CAMKMT: variants seen among roughly 807,000 people sequenced by gnomAD.
The protein encoded by CAMKMT is CaM KMT.
Under a neutral mutation model 48.0 loss-of-function variants are expected in CAMKMT, and 53 were observed. That is an observed-to-expected ratio of 1.10 (90% CI 0.89 to 1.39). The LOEUF (loss-of-function observed/expected upper bound fraction) is 1.39, where lower values mean the gene tolerates loss of function less well. CAMKMT is among the 40% of genes most tolerant of loss of function. The probability of loss-of-function intolerance (pLI) is 0.00; values close to 1 mark genes in which losing one functional copy is unlikely to be tolerated. For synonymous variants in CAMKMT, 165 were observed against 152.3 expected (o/e 1.08, Z -0.61); for missense variants, 428 against 402.7 (o/e 1.06, Z -0.54).
In CAMKMT at chr2:44,440,946, T is replaced by A. The variant is rs534444841; in HGVS notation, c.376+50641T>A. Among the ~76,000 whole-genome samples, 5 of 152,312 alleles carry A rather than the reference T, an allele frequency of 3.3e-5. No individual in the cohort carries two copies. The South Asian group carries it at 1.0e-3, about 32-fold the overall frequency. On this transcript the variant is annotated intron_variant, in intron 3 of 10. Coordinates refer to ENST00000378494, the MANE Select transcript of CAMKMT (RefSeq NM_024766.5). ...ACTTACATTTTCTCTTTTCTTAAAA[T>A]GGCCTGTTTGGAATTAGCCTTGCCA...
rs139455990 is a variant in CAMKMT, at chr2:44,429,805, C to T, written c.376+39500C>T. Among the ~76,000 whole-genome samples, 128 of 42,950 alleles carry T rather than the reference C, an allele frequency of 3.0e-3. 1 individual carries two copies. The highest frequency in any genetic ancestry group is 9.5e-3 in the African/African-American group (122 of 12,868). The allele number at this position is 42,950 out of a possible 152,430, so 28.2% of individuals were successfully genotyped here. A position where few individuals can be genotyped will look rare whatever the true frequency, so the allele number is the denominator to read the frequency against. The stretch of plus-strand genomic sequence containing the variant: ...CCTGGGCGACAGAGCGAGACTCCGT[C>T]TCAAAAAAAAAAAAAAAAAAAAAAA... On this transcript the variant is annotated intron_variant, in intron 3 of 10. Transcript: ENST00000378494.
intron 3 of CAMKMT, among the ~76,000 whole-genome samples, chr2:44,703,581 C>A (rs554654600): frequency 1.3e-5 from 2 of 152,004 alleles, no homozygotes; most frequent in East Asian, 1.9e-4. Context: ...AGTTCGAGAC[C>A]AGCTTGACCA....
intron 3 of CAMKMT, among the ~76,000 whole-genome samples, chr2:44,473,490 A>C (rs1430264789): frequency 2.0e-5 from 3 of 152,186 alleles, no homozygotes; most frequent in Non-Finnish European, 4.4e-5. Context: ...ATTCCATAAA[A>C]TGGTATGTTT....
At chr2:44,697,704 A>G (rs915869708) in intron 3 of CAMKMT, among the ~76,000 whole-genome samples, 1 of 152,202 alleles carries the variant, frequency 6.6e-6, no homozygotes, top group African/African-American at 2.4e-5. Context: ...TTGTAATATT[A>G]AAATATAATA....
chr2:44,368,344 T>C (rs1343392222), intron 1 of CAMKMT, among the ~76,000 whole-genome samples: 1 of 152,208 alleles, frequency 6.6e-6, no homozygotes, highest in Non-Finnish European at 1.5e-5. Context: ...ACCAATATTA[T>C]TGATGGCCTT....
chr2:44,438,725 TCTCA>T (rs1666443466), intron 3 of CAMKMT, among the ~76,000 whole-genome samples: 1 of 152,094 alleles, frequency 6.6e-6, no homozygotes, highest in African/African-American at 2.4e-5. Context: ...TGAGATGGAG[TCTCA>T]CTCTGCAGTG....
chr2:44,413,024 T>A (rs1339930959), intron 3 of CAMKMT, among the ~76,000 whole-genome samples: 1 of 151,616 alleles, frequency 6.6e-6, no homozygotes, highest in Non-Finnish European at 1.5e-5. Flanking sequence ...TGCAGGGAGC[T>A]GAGATTGTGC....
At chr2:44,748,751 C>T (rs1449711959) in intron 8 of CAMKMT, among the ~76,000 whole-genome samples, 5 of 152,092 alleles carry the variant, frequency 3.3e-5, no homozygotes, top group South Asian at 4.2e-4. Flanking sequence ...GTGGTGGGCA[C>T]CTGTAGTCCC....
chr2:44,588,307 G>T (rs1240301311), intron 3 of CAMKMT, among the ~76,000 whole-genome samples: 1 of 89,076 alleles, frequency 1.1e-5, no homozygotes, highest in Non-Finnish European at 2.5e-5. Context: ...GGAGGGAGGG[G>T]GGGGGTCAGC....
intron 3 of CAMKMT, among the ~76,000 whole-genome samples, chr2:44,643,522 T>A (rs1407310257): frequency 1.3e-5 from 2 of 152,152 alleles, no homozygotes; most frequent in African/African-American, 4.8e-5. Context: ...AAAGATGAGA[T>A]GAGTTTTCTA....
At chr2:44,409,691 T>C (rs1196763150) in intron 3 of CAMKMT, among the ~76,000 whole-genome samples, 1 of 152,212 alleles carries the variant, frequency 6.6e-6, no homozygotes, top group Non-Finnish European at 1.5e-5. Context: ...AAGATGGTAA[T>C]AGAAAACATT....
intron 3 of CAMKMT, among the ~76,000 whole-genome samples, chr2:44,581,140 G>A (rs1357722101): frequency 4.6e-5 from 7 of 152,086 alleles, no homozygotes; most frequent in Non-Finnish European, 8.8e-5. Context: ...GTATGTTTCC[G>A]ATGAGATCAA....
intron 3 of CAMKMT, among the ~76,000 whole-genome samples, chr2:44,664,104 G>T (rs889511523): frequency 6.6e-6 from 1 of 152,142 alleles, no homozygotes; most frequent in African/African-American, 2.4e-5. Flanking sequence ...TTAAACAGTT[G>T]GGTTATAGTT....
chr2:44,522,864 G>A (rs529378935), intron 3 of CAMKMT, among the ~76,000 whole-genome samples: 1 of 152,224 alleles, frequency 6.6e-6, no homozygotes, highest in South Asian at 2.1e-4. Context: ...GAATAAGCCA[G>A]GTAGCACTTC....
chr2:44,467,474 G>A (rs1297082898), intron 3 of CAMKMT, among the ~76,000 whole-genome samples: 4 of 151,884 alleles, frequency 2.6e-5, no homozygotes, highest in African/African-American at 7.2e-5. Flanking sequence ...AGAGGTTGTA[G>A]TGAGCTGTGA....
intron 3 of CAMKMT, among the ~76,000 whole-genome samples, chr2:44,417,255 C>T (rs1271927975): frequency 6.6e-6 from 1 of 151,872 alleles, no homozygotes; most frequent in Non-Finnish European, 1.5e-5. Flanking sequence ...ATTAGCTGGG[C>T]GTGGTAGTGC....
At chr2:44,460,503 T>C (rs1037542530) in intron 3 of CAMKMT, among the ~76,000 whole-genome samples, 2 of 152,142 alleles carry the variant, frequency 1.3e-5, no homozygotes, top group African/African-American at 4.8e-5. Flanking sequence ...TGCAAACTTA[T>C]CAAAAACAGT....
intron 3 of CAMKMT, among the ~76,000 whole-genome samples, chr2:44,495,795 A>G (rs949638678): frequency 2.6e-5 from 4 of 152,162 alleles, no homozygotes; most frequent in Non-Finnish European, 5.9e-5. Flanking sequence ...GTTCCACATT[A>G]TGAGCCCACA....
At chr2:44,402,740 G>GTTTTTTTT in intron 3 of CAMKMT, among the ~76,000 whole-genome samples, 9 of 94,094 alleles carry the variant, frequency 9.6e-5, no homozygotes, top group South Asian at 8.1e-4. Flanking sequence ...TTGTTTTGCT[G>GTTTTTTTT]TTTTTTTTTT....
Sources: gnomAD v4.1 joint callset for allele counts (sites outside exome capture counted in the v4.1 genomes callset) on GRCh38, gnomAD v4.1.1 for gene constraint, MANE v1.5 for transcripts, NCBI Gene and HGNC (gene_info 2026-07-23, HGNC 2026-07-21) for gene names.